PTPRU: variants seen among roughly 807,000 people sequenced by gnomAD.
PTPRU encodes protein tyrosine phosphatase receptor type U.
A neutral mutation model predicts 166.3 loss-of-function variants in PTPRU; 69 were observed. The observed-to-expected ratio is 0.41, with a 90% CI of 0.34 to 0.51. The LOEUF is 0.51. Ranked by LOEUF, PTPRU falls within the 20% of genes least tolerant of loss-of-function variation. The pLI is 0.09. For synonymous variants in PTPRU, 793 were observed against 814.0 expected, an observed-to-expected ratio of 0.97 and a Z score of 0.44; for missense variants, 1,657 against 2,013.7, an observed-to-expected ratio of 0.82 and a Z score of 3.39.
At chr1:29,295,483 T>C (rs1354215467) in intron 15 of PTPRU, among the ~76,000 whole-genome samples, 1 of 152,180 alleles carries the variant, frequency 6.6e-6, no homozygotes, top group Non-Finnish European at 1.5e-5. Flanking sequence ...ATGAAAGTGA[T>C]TTATATTGCC....
chr1:29,241,258 G>A (rs761772563), intron 1 of PTPRU, among the ~76,000 whole-genome samples: 2 of 152,114 alleles, frequency 1.3e-5, no homozygotes, highest in Non-Finnish European at 2.9e-5. Context: ...TCGCTATCTA[G>A]GTGTGGACAA....
chr1:29,307,829 C>T (rs1264867861), intron 18 of PTPRU, among the ~76,000 whole-genome samples: 8 of 144,670 alleles, frequency 5.5e-5, no homozygotes, highest in Non-Finnish European at 9.0e-5. Context: ...GGCACGATCT[C>T]GGCTCACTGC....
In PTPRU at chr1:29,274,919, G is replaced by A. The variant is rs1183243219; in HGVS notation, c.1145-529G>A. On this transcript the variant is annotated intron_variant, in intron 7 of 29. Coordinates refer to ENST00000373779, the MANE Select transcript of PTPRU (RefSeq NM_133178.4). ...ACAAAAATTAGCCAGGCGTGGTGGT[G>A]TACGCCTGTAATCCCAGCTACTTGG... is the stretch of plus-strand genomic sequence containing the variant. Among the ~76,000 whole-genome samples, 19 of 151,856 alleles carry A rather than the reference G, an allele frequency of 1.3e-4. 1 individual carries two copies. Among genetic ancestry groups the A allele is most frequent in the Admixed American group, 1.1e-3 (17 of 15,214 alleles).
At chr1:29,303,079 C>T (rs1168298786) in intron 15 of PTPRU, among the ~76,000 whole-genome samples, 3 of 152,140 alleles carry the variant, frequency 2.0e-5, no homozygotes, top group Non-Finnish European at 2.9e-5. Context: ...ATGCATTTTT[C>T]GGAATGCATC....
intron 1 of PTPRU, among the ~76,000 whole-genome samples, chr1:29,251,160 C>T (rs190193816): frequency 1.8e-4 from 28 of 151,920 alleles, no homozygotes; most frequent in African/African-American, 6.5e-4. Context: ...GGCTGAGGCA[C>T]GAGAATAGCT....
chr1:29,310,629 G>A (rs1687610241), intron 18 of PTPRU, 115 bp from the exon 19 acceptor site: 3 of 1,109,492 alleles, frequency 2.7e-6, no homozygotes, highest in South Asian at 2.5e-5. Flanking sequence ...GGATGTGAGG[G>A]AGCAGTTCCC....
intron 1 of PTPRU, among the ~76,000 whole-genome samples, chr1:29,253,341 G>T (rs546762270): frequency 5.6e-4 from 85 of 152,250 alleles, no homozygotes; most frequent in African/African-American, 2.0e-3. Context: ...AGCAAGGCCT[G>T]TCTGCTTAGA....
At chr1:29,251,257 A>G (rs78311123) in intron 1 of PTPRU, among the ~76,000 whole-genome samples, 1 of 145,308 alleles carries the variant, frequency 6.9e-6, no homozygotes, top group East Asian at 2.0e-4. Flanking sequence ...ATCTCAAAAG[A>G]AAAAAAAAAA....
intron 7 of PTPRU, among the ~76,000 whole-genome samples, chr1:29,272,609 A>C (rs1011914189): frequency 1.3e-5 from 2 of 152,150 alleles, no homozygotes; most frequent in Admixed American, 6.5e-5. Flanking sequence ...TTAATCACAT[A>C]AAAAATGCCA....
At chr1:29,286,746 T>C (rs1686367412) in intron 14 of PTPRU, among the ~76,000 whole-genome samples, 1 of 152,008 alleles carries the variant, frequency 6.6e-6, no homozygotes, top group African/African-American at 2.4e-5. Flanking sequence ...AAGAGAGCAC[T>C]GGGCCCAGGA....
Position 29,260,735 on chromosome 1 carries a change from A to T in PTPRU, c.976A>T (p.Met326Leu), listed in dbSNP as rs1184974004. The change falls in exon 7 of 30, where the codon ATG becomes TTG. Residue 326 changes from methionine (M) to leucine (L), a missense_variant. Around this residue, in one of 3 missense-constraint regions of PTPRU, gnomAD observed 453 missense variants for 496.9 expected, o/e 0.91. Transcript: ENST00000373779. The surrounding 1 kb of genome is among the most constrained non-coding windows in gnomAD (Gnocchi z 8.3). ...PIVRKEIEYRMARGPWAEVHA... is the reference protein window; with the variant it reads ...PIVRKEIEYRLARGPWAEVHA... The stretch of plus-strand genomic sequence containing the variant: ...CGTGCGCAAGGAGATTGAGTACCGC[A>T]TGGCGCGCGGGCCCTGGGCTGAGGT... The T allele has an allele frequency of 6.2e-7, 1 of 1,610,220 alleles. No individual in the cohort carries two copies. Among genetic ancestry groups the T allele is most frequent in the South Asian group, 1.1e-5 (1 of 90,672 alleles).
intron 8 of PTPRU, among the ~76,000 whole-genome samples, chr1:29,277,153 T>C (rs1685840207): frequency 6.6e-6 from 1 of 152,162 alleles, no homozygotes; most frequent in Non-Finnish European, 1.5e-5. Context: ...CAGGCTGGAG[T>C]GCAGTGGCAC....
intron 14 of PTPRU, among the ~76,000 whole-genome samples, chr1:29,285,212 A>C (rs1404807587): frequency 6.6e-6 from 1 of 151,958 alleles, no homozygotes; most frequent in African/African-American, 2.4e-5. Context: ...TTGAACCCCT[A>C]CCCTCCTGCA....
At chr1:29,270,279 T>G (rs539194667) in intron 7 of PTPRU, among the ~76,000 whole-genome samples, 1 of 152,276 alleles carries the variant, frequency 6.6e-6, no homozygotes, top group South Asian at 2.1e-4. Flanking sequence ...ATTTGCTCTT[T>G]AAAGTAGGCA....
At chr1:29,255,511 A>G in intron 2 of PTPRU, 105 bp downstream of exon 2, 2 of 1,476,976 alleles carry the variant, frequency 1.4e-6, no homozygotes, top group South Asian at 2.5e-5. Flanking sequence ...TCTGGGCCCC[A>G]TCTACATTTG....
rs146315626 is a variant in PTPRU at position 29,258,521 on chromosome 1, C to G, written c.222C>G (p.Val74=). The G allele has an allele frequency of 6.2e-7, 1 of 1,613,752 alleles. No individual in the cohort carries two copies. The highest frequency in any genetic ancestry group is 8.5e-7 in the Non-Finnish European group (1 of 1,179,792). Residue 74 remains valine, a synonymous_variant, in exon 3 of 30, where the codon GTC becomes GTG. Transcript: ENST00000373779. ...ADLPHGSYLM[V]NTSQHAPGQR... ...TCTTTCCAGGCTCCTACTTGATGGT[C>G]AACACTTCCCAGCATGCCCCAGGCC...
chr1:29,247,827 A>G (rs956524024), intron 1 of PTPRU, among the ~76,000 whole-genome samples: 8 of 152,096 alleles, frequency 5.3e-5, no homozygotes, highest in African/African-American at 1.9e-4. Flanking sequence ...CTCCGTGGAG[A>G]TGGCAAGATG....
chr1:29,319,058 G>T (rs937104670), intron 25 of PTPRU, among the ~76,000 whole-genome samples: 2 of 152,034 alleles, frequency 1.3e-5, no homozygotes, highest in African/African-American at 4.8e-5. Flanking sequence ...AGCTGAAGGG[G>T]AGGGGAAGAG....
chr1:29,258,473 T>C (rs745465097), intron 2 of PTPRU, 32 bp from the exon 3 acceptor site: 2 of 1,601,492 alleles, frequency 1.2e-6, no homozygotes, highest in South Asian at 2.3e-5. Context: ...TGAGGTCTCC[T>C]CATCTCCTGC....
Sources: allele counts gnomAD v4.1 joint callset (sites outside exome capture counted in the v4.1 genomes callset), GRCh38; gene constraint gnomAD v4.1.1; regional missense constraint gnomAD v4.1.1; non-coding constraint Gnocchi (gnomAD v3.1); transcripts MANE v1.5; gene names NCBI Gene and HGNC (gene_info 2026-07-23, HGNC 2026-07-21).